The following SLC35F3 variants were observed in gnomAD, a reference collection of about 807,000 sequenced individuals.
SLC35F3 encodes solute carrier family 35 member F3.
A neutral mutation model predicts 49.9 loss-of-function variants in SLC35F3; 25 were observed. That is an observed-to-expected ratio of 0.50 (90% CI 0.37 to 0.70). SLC35F3 has a LOEUF of 0.70. Among genes scored for constraint, SLC35F3 ranks in the 30% least tolerant of loss-of-function variants. The pLI, the probability that SLC35F3 is intolerant of heterozygous loss-of-function variation, is 0.00. For synonymous variants in SLC35F3, 275 were observed against 265.4 expected, an observed-to-expected ratio of 1.04 and a Z score of -0.35; for missense variants, 525 against 639.8, an observed-to-expected ratio of 0.82 and a Z score of 1.94.
intron 2 of SLC35F3, among the ~76,000 whole-genome samples, chr1:234,143,290 T>A (rs925612842): frequency 8.8e-6 from 1 of 113,334 alleles, no homozygotes. Flanking sequence ...TTTCTTTTCT[T>A]TTTTTTTTTT....
intron 3 of SLC35F3, among the ~76,000 whole-genome samples, chr1:234,233,056 G>A (rs1455818543): frequency 6.6e-6 from 1 of 152,180 alleles, no homozygotes. Context: ...CTGATCCTCA[G>A]GGTTGACCTA....
chr1:233,931,884 G>C (rs1490048866), intron 2 of SLC35F3, among the ~76,000 whole-genome samples: 1 of 152,136 alleles, frequency 6.6e-6, no homozygotes, highest in Non-Finnish European at 1.5e-5. Flanking sequence ...CAAAGACTTG[G>C]AACCAACCCA....
chr1:233,984,017 A>G (rs1001189384), intron 2 of SLC35F3, among the ~76,000 whole-genome samples: 1 of 152,188 alleles, frequency 6.6e-6, no homozygotes, highest in Non-Finnish European at 1.5e-5. Context: ...TGCCCCAACC[A>G]CATCCTGCGT....
At chr1:234,064,865 G>A (rs1664592908) in intron 2 of SLC35F3, among the ~76,000 whole-genome samples, 1 of 152,094 alleles carries the variant, frequency 6.6e-6, no homozygotes, top group Admixed American at 6.5e-5. Flanking sequence ...ACACCTGTCT[G>A]TATAGGAAGC....
At chr1:234,117,168 G>A (rs972623784) in intron 2 of SLC35F3, among the ~76,000 whole-genome samples, 8 of 152,138 alleles carry the variant, frequency 5.3e-5, no homozygotes, top group Non-Finnish European at 1.0e-4. Context: ...AAAAAGCGAG[G>A]ACTAAGTATC....
Position 234,321,098 on chromosome 1 carries a change from G to C in SLC35F3, c.1237+911G>C, listed in dbSNP as rs548704326. 2.2e-4 allele frequency among the ~76,000 whole-genome samples: 32 copies of C among 147,362 alleles called. No homozygotes were observed. The South Asian group carries it at 6.7e-3, about 31-fold the overall frequency. ...TCCTGTTCAATGTGGTGGTGACTATGCCTGCAGGCACCCCAATTTCCCAAG... is the reference window on the plus strand; with the variant it reads ...TCCTGTTCAATGTGGTGGTGACTATCCCTGCAGGCACCCCAATTTCCCAAG... On this transcript the variant is annotated intron_variant, in intron 7 of 7. Transcript: ENST00000366618.
intron 2 of SLC35F3, among the ~76,000 whole-genome samples, chr1:234,170,955 C>T (rs1236656095): frequency 6.6e-6 from 1 of 152,224 alleles, no homozygotes; most frequent in African/African-American, 2.4e-5. Flanking sequence ...TTTGCAGACT[C>T]ACAGTTAGCT....
intron 3 of SLC35F3, among the ~76,000 whole-genome samples, chr1:234,305,195 A>G (rs992354402): frequency 1.3e-5 from 2 of 152,236 alleles, no homozygotes; most frequent in Non-Finnish European, 2.9e-5. Context: ...AAATTCATAG[A>G]AAAGTTAGAA....
At chr1:234,139,968 A>ATAAAATAAAATAAAG (rs1665872117) in intron 2 of SLC35F3, among the ~76,000 whole-genome samples, 1 of 134,306 alleles carries the variant, frequency 7.4e-6, no homozygotes, top group Non-Finnish European at 1.6e-5. Flanking sequence ...ATAAAATAAA[A>ATAAAATAAAATAAAG]TAAAATAAAA....
intron 2 of SLC35F3, among the ~76,000 whole-genome samples, chr1:234,030,923 A>G (rs955406286): frequency 5.9e-5 from 9 of 152,328 alleles, no homozygotes; most frequent in Non-Finnish European, 1.2e-4. Flanking sequence ...AATGGAGAAC[A>G]AGGCAGACTA....
At chr1:234,294,687 C>T (rs576072100) in intron 3 of SLC35F3, among the ~76,000 whole-genome samples, 2 of 152,346 alleles carry the variant, frequency 1.3e-5, no homozygotes, top group East Asian at 1.9e-4. Flanking sequence ...GAGTTCCGCT[C>T]ATTTATTCAC....
At chr1:234,078,106 A>G (rs1228784026) in intron 2 of SLC35F3, among the ~76,000 whole-genome samples, 1 of 152,092 alleles carries the variant, frequency 6.6e-6, no homozygotes, top group Non-Finnish European at 1.5e-5. Context: ...CCAACTTTCA[A>G]CAAGTCTTGT....
chr1:234,144,433 C>CATTTGGTA (rs1360054823), intron 2 of SLC35F3, among the ~76,000 whole-genome samples: 1 of 152,192 alleles, frequency 6.6e-6, no homozygotes, highest in Non-Finnish European at 1.5e-5. Context: ...ATGGTGGTTC[C>CATTTGGTA]ATTTGGTAAT....
At chr1:234,170,927 C>T (rs906022757) in intron 2 of SLC35F3, among the ~76,000 whole-genome samples, 3 of 152,188 alleles carry the variant, frequency 2.0e-5, no homozygotes, top group African/African-American at 7.2e-5. Flanking sequence ...AAGCCAAGAG[C>T]ACAATTAAGA....
At chr1:234,292,640 A>G (rs1668527584) in intron 3 of SLC35F3, among the ~76,000 whole-genome samples, 1 of 152,164 alleles carries the variant, frequency 6.6e-6, no homozygotes, top group Non-Finnish European at 1.5e-5. Context: ...TCTGTCTTGG[A>G]ATGGGAAAGG....
chr1:234,180,826 T>C (rs762137431), intron 2 of SLC35F3, among the ~76,000 whole-genome samples: 68 of 152,218 alleles, frequency 4.5e-4, no homozygotes, highest in Non-Finnish European at 9.0e-4. Context: ...ATTAATTTAA[T>C]TTTGTCTTAG....
chr1:234,192,339 A>G (rs1367696586), intron 2 of SLC35F3, among the ~76,000 whole-genome samples: 2 of 152,192 alleles, frequency 1.3e-5, no homozygotes, highest in East Asian at 1.9e-4. Flanking sequence ...AGAGAATTAA[A>G]AACAAAAATC....
At chr1:234,242,366 C>T (rs565006507) in intron 3 of SLC35F3, among the ~76,000 whole-genome samples, 21 of 152,332 alleles carry the variant, frequency 1.4e-4, no homozygotes, top group African/African-American at 4.1e-4. Flanking sequence ...AGGAAACTTC[C>T]TCTGATGCGT....
At chr1:234,319,830 G>T (rs1297644668) in intron 6 of SLC35F3, among the ~76,000 whole-genome samples, 4 of 152,212 alleles carry the variant, frequency 2.6e-5, no homozygotes, top group African/African-American at 9.7e-5. Context: ...GATGGTCCCA[G>T]TCACCTTCTC....
Sources: allele counts gnomAD v4.1 joint callset (sites outside exome capture counted in the v4.1 genomes callset), GRCh38; gene constraint gnomAD v4.1.1; transcripts MANE v1.5; gene names NCBI Gene and HGNC (gene_info 2026-07-23, HGNC 2026-07-21).